The following PIK3AP1 variants were observed in gnomAD, a reference collection of about 807,000 sequenced individuals.
PIK3AP1 encodes the protein phosphoinositide 3-kinase adapter protein 1.
A neutral mutation model predicts 88.1 loss-of-function variants in PIK3AP1; 21 were observed. The ratio of observed to expected loss-of-function variants is 0.24; its 90% CI spans 0.17 to 0.34. PIK3AP1 has a LOEUF of 0.34. Ranked by LOEUF, PIK3AP1 falls within the 10% of genes least tolerant of loss-of-function variation. The pLI is 1.00. For synonymous variants in PIK3AP1, 398 were observed against 400.0 expected, an observed-to-expected ratio of 1.00 and a Z score of 0.06; for missense variants, 828 against 1,035.7, an observed-to-expected ratio of 0.80 and a Z score of 2.75.
chr10:96,647,553 C>A (rs75725891), intron 7 of PIK3AP1, among the ~76,000 whole-genome samples: 3 of 152,168 alleles, frequency 2.0e-5, no homozygotes, highest in Non-Finnish European at 2.9e-5. Flanking sequence ...ACTGAGAGCA[C>A]CTTTTAGACT....
At chr10:96,678,416 C>T (rs145051343) in intron 2 of PIK3AP1, among the ~76,000 whole-genome samples, 1 of 151,880 alleles carries the variant, frequency 6.6e-6, no homozygotes. Context: ...GCCTGGGTGA[C>T]AGAGTGAGAT....
chr10:96,644,722 C>T (rs1843436244), intron 8 of PIK3AP1, among the ~76,000 whole-genome samples: 1 of 152,106 alleles, frequency 6.6e-6, no homozygotes, highest in Non-Finnish European at 1.5e-5. Context: ...AATCAAATTA[C>T]CCCTCGCCCC....
At chr10:96,630,273 CACT>C (rs1194923475) in intron 8 of PIK3AP1, among the ~76,000 whole-genome samples, 3 of 152,154 alleles carry the variant, frequency 2.0e-5, no homozygotes, top group African/African-American at 7.2e-5. Context: ...CAGTTCAGGG[CACT>C]ACGATTCCAA....
rs772127713 is a variant in PIK3AP1 at position 96,709,972 on chromosome 10, C to T, written c.25G>A (p.Gly9Arg). The T allele has an allele frequency of 1.9e-6, 3 of 1,586,740 alleles. No individual in the cohort carries two copies. The Admixed American group carries it at 5.1e-5, about 27-fold the overall frequency. ...CTGTAGACGATGAGGATGTCGCATC[C>T]TCTGGGCACCCCTGGACAAGAATGA... MAASGVPR[G>R]CDILIVYSPD... The change falls in exon 2 of 17, where the codon GGA becomes AGA. Residue 9 changes from glycine (G) to arginine (R), a missense_variant. Gly to Arg is a moderately radical substitution (Grantham distance 125). Around this residue, in one of 3 missense-constraint regions of PIK3AP1, gnomAD observed 610 missense variants for 760.1 expected, o/e 0.80. Coordinates refer to ENST00000339364, the MANE Select transcript of PIK3AP1 (RefSeq NM_152309.3).
At chr10:96,660,725 G>T (rs945440820) in intron 2 of PIK3AP1, among the ~76,000 whole-genome samples, 2 of 152,148 alleles carry the variant, frequency 1.3e-5, no homozygotes, top group African/African-American at 4.8e-5. Flanking sequence ...TAGCAGCTTT[G>T]TTCAAAACAG....
intron 12 of PIK3AP1, among the ~76,000 whole-genome samples, chr10:96,617,643 G>T (rs543145465): frequency 9.2e-5 from 14 of 152,308 alleles, no homozygotes; most frequent in South Asian, 4.1e-4. Context: ...TGGGGATGTG[G>T]CTGGGGGAAT....
intron 2 of PIK3AP1, among the ~76,000 whole-genome samples, chr10:96,675,158 G>T (rs1029603901): frequency 6.8e-6 from 1 of 147,108 alleles, no homozygotes. Flanking sequence ...CACCCAAAGC[G>T]CTAGGATTAC....
At chr10:96,665,392 G>A in intron 2 of PIK3AP1, among the ~76,000 whole-genome samples, 2 of 152,166 alleles carry the variant, frequency 1.3e-5, no homozygotes, top group East Asian at 1.9e-4. Flanking sequence ...GCCCTTGCTC[G>A]GTGACAAATT....
chr10:96,596,604 C>T (rs1256070986), intron 16 of PIK3AP1, among the ~76,000 whole-genome samples: 1 of 152,194 alleles, frequency 6.6e-6, no homozygotes, highest in East Asian at 1.9e-4. Flanking sequence ...CTCATGACTG[C>T]TTCCTCATGA....
At chr10:96,626,666 G>C (rs765582774) in intron 10 of PIK3AP1, 42 bp downstream of exon 10, 1 of 1,590,074 alleles carries the variant, frequency 6.3e-7, no homozygotes, top group Non-Finnish European at 8.6e-7. Flanking sequence ...CTGTTGAGAA[G>C]CTCCAAAGAC....
intron 2 of PIK3AP1, among the ~76,000 whole-genome samples, chr10:96,658,563 G>A (rs1391493089): frequency 6.6e-6 from 1 of 152,148 alleles, no homozygotes; most frequent in Non-Finnish European, 1.5e-5. Flanking sequence ...CAGCAGAGGG[G>A]CCGGGGCTTC....
chr10:96,682,654 C>T (rs1055372091), intron 2 of PIK3AP1, among the ~76,000 whole-genome samples: 1 of 152,118 alleles, frequency 6.6e-6, no homozygotes, highest in African/African-American at 2.4e-5. Context: ...TTTCTTTTCG[C>T]CCCATTAATA....
chr10:96,671,677 ATC>A (rs1843849358), intron 2 of PIK3AP1, among the ~76,000 whole-genome samples: 1 of 152,168 alleles, frequency 6.6e-6, no homozygotes, highest in Admixed American at 6.6e-5. Flanking sequence ...CGTCGTCATC[ATC>A]ATCATCATCC....
chr10:96,687,200 G>A (rs1020543212), intron 2 of PIK3AP1, among the ~76,000 whole-genome samples: 2 of 138,618 alleles, frequency 1.4e-5, no homozygotes, highest in Admixed American at 7.9e-5. Flanking sequence ...AGCTTGCAGT[G>A]AGCCGAGACA....
chr10:96,613,869 C>G (rs1849167852), intron 13 of PIK3AP1, among the ~76,000 whole-genome samples: 1 of 152,258 alleles, frequency 6.6e-6, no homozygotes, highest in Admixed American at 6.5e-5. Context: ...GGTTATACCC[C>G]AACTCATTCA....
chr10:96,648,458 A>G (rs1029308013), intron 7 of PIK3AP1, among the ~76,000 whole-genome samples: 1 of 152,244 alleles, frequency 6.6e-6, no homozygotes, highest in African/African-American at 2.4e-5. Context: ...TCACAAGGCT[A>G]ACAAGTGTTG....
At chr10:96,672,775 T>C (rs1279836151) in intron 2 of PIK3AP1, among the ~76,000 whole-genome samples, 1 of 152,176 alleles carries the variant, frequency 6.6e-6, no homozygotes, top group African/African-American at 2.4e-5. Context: ...GCCCTCTAAC[T>C]TTCTTCCAAG....
At chr10:96,657,039 G>A in intron 2 of PIK3AP1, 105 bp from the exon 3 acceptor site, 1 of 1,235,314 alleles carries the variant, frequency 8.1e-7, no homozygotes, top group Non-Finnish European at 1.1e-6. Flanking sequence ...AAACGGCTCT[G>A]AATGTCAAAC....
At chr10:96,658,251 G>A (rs1843642012) in intron 2 of PIK3AP1, among the ~76,000 whole-genome samples, 1 of 152,184 alleles carries the variant, frequency 6.6e-6, no homozygotes, top group African/African-American at 2.4e-5. Flanking sequence ...TAAAAGGACA[G>A]GAGAGGTGAG....
Sources: gnomAD v4.1 joint callset for allele counts (sites outside exome capture counted in the v4.1 genomes callset) on GRCh38, gnomAD v4.1.1 for gene constraint, gnomAD v4.1.1 regional missense constraint, MANE v1.5 for transcripts, NCBI Gene and HGNC (gene_info 2026-07-23, HGNC 2026-07-21) for gene names.